The following BTBD9 variants were observed in gnomAD, a reference collection of about 807,000 sequenced individuals.
BTBD9 encodes the protein BTB/POZ domain-containing protein 9.
A neutral mutation model predicts 64.3 loss-of-function variants in BTBD9; 49 were observed. The observed-to-expected ratio is 0.76, with a 90% CI of 0.61 to 0.97. The LOEUF (loss-of-function observed/expected upper bound fraction) is 0.97, where lower values mean the gene tolerates loss of function less well. Among genes scored for constraint, BTBD9 ranks in the 50% least tolerant of loss-of-function variants. The pLI is 0.00. For missense variants in BTBD9, 598 were observed against 762.1 expected (o/e 0.78, Z 2.53); for synonymous variants, 260 against 274.7 (o/e 0.95, Z 0.53).
intron 8 of BTBD9, among the ~76,000 whole-genome samples, chr6:38,267,313 A>G (rs552099369): frequency 1.2e-4 from 18 of 152,256 alleles, no homozygotes; most frequent in Non-Finnish European, 2.5e-4. Context: ...TAGGAGGGCG[A>G]TAAGAACAGA....
At chr6:38,505,048 C>T (rs1772401697) in intron 6 of BTBD9, among the ~76,000 whole-genome samples, 1 of 152,212 alleles carries the variant, frequency 6.6e-6, no homozygotes, top group African/African-American at 2.4e-5. Context: ...TCCTGAAGCA[C>T]TACCTCTCAG....
chr6:38,581,755 G>T (rs190191823), intron 4 of BTBD9, among the ~76,000 whole-genome samples: 11 of 150,486 alleles, frequency 7.3e-5, no homozygotes, highest in Admixed American at 1.3e-4. Context: ...TCAATGGGGT[G>T]GGGGGGAGAC....
At chr6:38,632,263 T>C (rs1364474264) in intron 1 of BTBD9, among the ~76,000 whole-genome samples, 4 of 152,230 alleles carry the variant, frequency 2.6e-5, no homozygotes, top group Non-Finnish European at 5.9e-5. Context: ...TCTTGTAAAA[T>C]TAACTGAAAT....
At chr6:38,444,280 C>G (rs984339496) in intron 6 of BTBD9, among the ~76,000 whole-genome samples, 2 of 152,162 alleles carry the variant, frequency 1.3e-5, no homozygotes, top group South Asian at 2.1e-4. Flanking sequence ...TTATTCACTA[C>G]AGTAAATTCC....
chr6:38,568,603 T>C (rs542754026), intron 6 of BTBD9, among the ~76,000 whole-genome samples: 8 of 152,288 alleles, frequency 5.3e-5, no homozygotes, highest in Non-Finnish European at 1.2e-4. Flanking sequence ...TAAACAAGTG[T>C]TGGGAGAGTT....
At chr6:38,317,994 G>A (rs1348727371) in intron 7 of BTBD9, among the ~76,000 whole-genome samples, 3 of 148,486 alleles carry the variant, frequency 2.0e-5, no homozygotes, top group Non-Finnish European at 4.4e-5. Context: ...GAGTGCAGTG[G>A]CGTGATCTCG....
intron 6 of BTBD9, among the ~76,000 whole-genome samples, chr6:38,525,661 A>G (rs952253807): frequency 6.6e-6 from 1 of 152,210 alleles, no homozygotes; most frequent in South Asian, 2.1e-4. Context: ...GATGGAGATG[A>G]GGAACTTACT....
chr6:38,180,464 C>T (rs1438692617), intron 10 of BTBD9, among the ~76,000 whole-genome samples: 3 of 152,186 alleles, frequency 2.0e-5, no homozygotes, highest in Non-Finnish European at 4.4e-5. Flanking sequence ...GCATGTGGCC[C>T]TCCCCTTCCC....
At chr6:38,548,832 G>A (rs1239200199) in intron 6 of BTBD9, among the ~76,000 whole-genome samples, 3 of 152,134 alleles carry the variant, frequency 2.0e-5, no homozygotes, top group Admixed American at 1.3e-4. Flanking sequence ...CCTCTAAAGA[G>A]AGCAATGTAA....
At chr6:38,319,168 T>C (rs1763138189) in intron 7 of BTBD9, among the ~76,000 whole-genome samples, 1 of 152,032 alleles carries the variant, frequency 6.6e-6, no homozygotes, top group Admixed American at 6.5e-5. Context: ...TAGGTTCCCC[T>C]CTGGACTAGA....
At chr6:38,425,392 G>C (rs113475007) in intron 6 of BTBD9, among the ~76,000 whole-genome samples, 2,134 of 151,836 alleles carry the variant, frequency 0.014, 43 homozygotes, top group Middle Eastern at 0.027. Flanking sequence ...CTACTCAGGC[G>C]GCATAAGTCA....
intron 10 of BTBD9, among the ~76,000 whole-genome samples, chr6:38,186,937 C>T (rs1485860418): frequency 6.6e-6 from 1 of 152,176 alleles, no homozygotes; most frequent in African/African-American, 2.4e-5. Context: ...TTCAAACCCA[C>T]GTTTTTATAA....
intron 6 of BTBD9, among the ~76,000 whole-genome samples, chr6:38,485,036 C>T (rs1045928609): frequency 6.6e-6 from 1 of 152,198 alleles, no homozygotes; most frequent in Non-Finnish European, 1.5e-5. Context: ...GAGGTCAATC[C>T]TCTCAAACCC....
rs551171723 is a variant in BTBD9, at chr6:38,522,358, T to TCCC, written c.1154+55241_1154+55242insGGG. Among the ~76,000 whole-genome samples, 99 of 57,308 alleles carry TCCC rather than the reference T, an allele frequency of 1.7e-3. 1 individual carries two copies. Among genetic ancestry groups the TCCC allele is most frequent in the African/African-American group, 4.2e-3 (90 of 21,198 alleles). The allele number at this position is 57,308 out of a possible 152,430, so 37.6% of individuals were successfully genotyped here. A position where few individuals can be genotyped will look rare whatever the true frequency, so the allele number is the denominator to read the frequency against. ...CCTTTCACATTTATACTTCTCAAAT[T>TCCC]AAAGTCCCTATACTCTACTGAAACT... On this transcript the variant is annotated intron_variant, in intron 6 of 10. Coordinates refer to ENST00000481247, the MANE Select transcript of BTBD9 (RefSeq NM_001099272.2).
chr6:38,402,203 T>C (rs1490403809), intron 6 of BTBD9, among the ~76,000 whole-genome samples: 1 of 152,116 alleles, frequency 6.6e-6, no homozygotes, highest in Non-Finnish European at 1.5e-5. Flanking sequence ...AAGTCCTAAA[T>C]AAATGGAAAG....
At chr6:38,637,735 C>A (rs1026121293) in intron 1 of BTBD9, among the ~76,000 whole-genome samples, 1 of 152,136 alleles carries the variant, frequency 6.6e-6, no homozygotes, top group Non-Finnish European at 1.5e-5. Context: ...AATACATGCA[C>A]ATTAGTGAGG....
rs375379024 is a variant in BTBD9 at position 38,288,293 on chromosome 6, G to A, written c.1433C>T (p.Pro478Leu). ...SGAIVVQLAQPYMIGSIRLLL... is the reference protein window; with the variant it reads ...SGAIVVQLAQLYMIGSIRLLL... The stretch of plus-strand genomic sequence containing the variant: ...TTACCGTATTGACCCAATCATGTAC[G>A]GTTGTGCCAACTGAACCACAATCGC... The change falls in exon 8 of 11, where the codon CCG becomes CTG. Residue 478 changes from proline (P) to leucine (L), a missense_variant. Coordinates refer to ENST00000481247, the MANE Select transcript of BTBD9 (RefSeq NM_001099272.2). 68 of 1,613,880 alleles carry A rather than the reference G, an allele frequency of 4.2e-5. No individual in the cohort carries two copies. Among genetic ancestry groups the A allele is most frequent in the Non-Finnish European group, 4.4e-5 (52 of 1,179,948 alleles).
rs771737210 is a variant in BTBD9, at chr6:38,222,254, G to GTTTTT, written c.1563-29658_1563-29657insAAAAA. On this transcript the variant is annotated intron_variant, in intron 9 of 10. Coordinates refer to ENST00000481247, the MANE Select transcript of BTBD9 (RefSeq NM_001099272.2). ...TAAATTAGCCTTAATAATTCATTCA[G>GTTTTT]TTGTTTTTTTTTTTTTTTTTTTTTT... Among the ~76,000 whole-genome samples the GTTTTT allele has an allele frequency of 8.5e-3, 820 of 96,688 alleles. 180 individuals are homozygous for GTTTTT. The highest frequency in any genetic ancestry group is 1.0e-2 in the Non-Finnish European group (525 of 52,514). 63.4% of individuals were successfully genotyped at this position (96,688 alleles called of 152,430 possible).
At chr6:38,299,098 C>T (rs1762280716) in intron 7 of BTBD9, among the ~76,000 whole-genome samples, 1 of 152,092 alleles carries the variant, frequency 6.6e-6, no homozygotes. Flanking sequence ...TGAGTGAGAA[C>T]ATGCAGTGTT....
Sources: gnomAD v4.1 joint callset for allele counts (sites outside exome capture counted in the v4.1 genomes callset) on GRCh38, gnomAD v4.1.1 for gene constraint, MANE v1.5 for transcripts, NCBI Gene and HGNC (gene_info 2026-07-23, HGNC 2026-07-21) for gene names.